Variants in LARGE1 observed in about 807,000 individuals in gnomAD.
The protein encoded by LARGE1 is xylosyl- and glucuronyltransferase LARGE1.
A neutral mutation model predicts 87.6 loss-of-function variants in LARGE1; 43 were observed. That is an observed-to-expected ratio of 0.49 (90% CI 0.38 to 0.63). The LOEUF (loss-of-function observed/expected upper bound fraction) is 0.63, where lower values mean the gene tolerates loss of function less well. LARGE1 is among the 30% of genes least tolerant of loss of function. The probability of loss-of-function intolerance (pLI) is 0.00; values close to 1 mark genes in which losing one functional copy is unlikely to be tolerated. For missense variants in LARGE1, 802 were observed against 1,000.2 expected (o/e 0.80, Z 2.67); for synonymous variants, 434 against 394.6 (o/e 1.10, Z -1.18).
At chr22:33,333,964 CA>C (rs1436632736) in intron 10 of LARGE1, among the ~76,000 whole-genome samples, 2 of 151,558 alleles carry the variant, frequency 1.3e-5, no homozygotes, top group Non-Finnish European at 2.9e-5. Flanking sequence ...ACTAAAAATA[CA>C]AAAAAAGTTA....
intron 11 of LARGE1, among the ~76,000 whole-genome samples, chr22:33,253,811 C>G (rs1927122564): frequency 1.3e-5 from 2 of 152,078 alleles, no homozygotes. Flanking sequence ...AAAGCAGGGC[C>G]TGGCTGGCAT....
chr22:33,149,233 G>A, the LARGE1 span, among the ~76,000 whole-genome samples: 4 of 151,600 alleles, frequency 2.6e-5, no homozygotes, highest in East Asian at 1.9e-4. Flanking sequence ...TAGTAGAGAC[G>A]GGGTTTCACT....
intron 10 of LARGE1, among the ~76,000 whole-genome samples, chr22:33,327,154 T>C (rs549401370): frequency 1.3e-5 from 2 of 152,352 alleles, no homozygotes; most frequent in East Asian, 3.9e-4. Flanking sequence ...TTCTTGGCAT[T>C]GTCTTGCAGG....
intron 5 of LARGE1, among the ~76,000 whole-genome samples, chr22:33,583,713 T>C (rs1180093904): frequency 6.6e-6 from 1 of 152,186 alleles, no homozygotes; most frequent in Non-Finnish European, 1.5e-5. Context: ...ATAAGGACAG[T>C]TGGGTCCCCC....
At chr22:33,737,457 T>C (rs1359654535) in intron 2 of LARGE1, 1 of 152,204 alleles carries the variant, frequency 6.6e-6, no homozygotes, top group African/African-American at 2.4e-5. Flanking sequence ...AAGCGTTAAC[T>C]GCTAATATTA....
chr22:33,750,421 T>C (rs1394478634), intron 2 of LARGE1, among the ~76,000 whole-genome samples: 1 of 152,214 alleles, frequency 6.6e-6, no homozygotes, highest in Non-Finnish European at 1.5e-5. Context: ...GTAAAAGCAG[T>C]AGGCGGGCCA....
At chr22:33,677,197 T>A (rs1183466962) in intron 2 of LARGE1, among the ~76,000 whole-genome samples, 6 of 150,384 alleles carry the variant, frequency 4.0e-5, no homozygotes, top group Non-Finnish European at 5.9e-5. Flanking sequence ...TGAGAAACAA[T>A]TCCTTAGTGA....
chr22:33,636,109 G>A (rs2080258755), intron 3 of LARGE1, among the ~76,000 whole-genome samples: 1 of 152,146 alleles, frequency 6.6e-6, no homozygotes, highest in African/African-American at 2.4e-5. Context: ...TGACTTTCTT[G>A]TGCTATAAAG....
chr22:33,262,773 C>T (rs994367848), intron 11 of LARGE1, among the ~76,000 whole-genome samples: 2 of 143,240 alleles, frequency 1.4e-5, no homozygotes, highest in African/African-American at 2.5e-5. Context: ...CTTCCCTTTC[C>T]TTCCTTCCTT....
At chr22:33,614,190 T>C (rs1262580945) in intron 4 of LARGE1, among the ~76,000 whole-genome samples, 1 of 152,156 alleles carries the variant, frequency 6.6e-6, no homozygotes, top group South Asian at 2.1e-4. Flanking sequence ...TTGATCACAA[T>C]AGCTCCTACC....
chr22:33,706,477 C>G (rs1162781858), intron 2 of LARGE1, among the ~76,000 whole-genome samples: 1 of 152,196 alleles, frequency 6.6e-6, no homozygotes, highest in Admixed American at 6.5e-5. Context: ...AAAGAAGCCA[C>G]AGGTTCAAGT....
intron 6 of LARGE1, among the ~76,000 whole-genome samples, chr22:33,471,719 C>CTTTCTTATGATCTTTTGATCATA (rs2068849585): frequency 1.3e-5 from 2 of 152,068 alleles, no homozygotes; most frequent in African/African-American, 4.8e-5. Flanking sequence ...AAGCACTGGG[C>CTTTCTTATGATCTTTTGATCATA]TGATCTTATG....
chr22:33,079,741 T>C, the LARGE1 span, among the ~76,000 whole-genome samples: 3 of 152,190 alleles, frequency 2.0e-5, no homozygotes, highest in African/African-American at 4.8e-5. Flanking sequence ...TTGTCCATTC[T>C]GCTTAGAAGA....
chr22:33,520,112 C>T (rs2071509279), intron 6 of LARGE1, among the ~76,000 whole-genome samples: 1 of 150,896 alleles, frequency 6.6e-6, no homozygotes, highest in South Asian at 2.1e-4. Flanking sequence ...TCAAGCAATC[C>T]TCCCTCTTCA....
At chr22:33,673,767 G>A (rs977860302) in intron 2 of LARGE1, among the ~76,000 whole-genome samples, 1 of 152,026 alleles carries the variant, frequency 6.6e-6, no homozygotes, top group African/African-American at 2.4e-5. Flanking sequence ...GCGCAATCTC[G>A]GCTCACTGCA....
chr22:33,441,068 GAAC>G (rs1045113182), intron 6 of LARGE1, among the ~76,000 whole-genome samples: 6 of 103,638 alleles, frequency 5.8e-5, no homozygotes, highest in African/African-American at 1.1e-4. Flanking sequence ...TATTTTGTTT[GAAC>G]TTTTTTTTTT....
At chr22:33,731,081 C>A (rs1429175950) in intron 2 of LARGE1, among the ~76,000 whole-genome samples, 2 of 149,726 alleles carry the variant, frequency 1.3e-5, no homozygotes, top group African/African-American at 4.9e-5. Flanking sequence ...TGGCTCACTG[C>A]AAGCTCCGCC....
At chr22:33,820,964 A>G (rs963712744) in intron 1 of LARGE1, among the ~76,000 whole-genome samples, 2 of 151,954 alleles carry the variant, frequency 1.3e-5, no homozygotes, top group Non-Finnish European at 2.9e-5. Flanking sequence ...AACACAATAC[A>G]TTTACTCGTC....
chr22:33,590,928 C>T lies in LARGE1; in HGVS notation c.615+13507G>A, dbSNP rs1346180761. 3.3e-5 allele frequency among the ~76,000 whole-genome samples: 5 copies of T among 152,268 alleles called. 1 individual carries two copies. Among genetic ancestry groups the T allele is most frequent in the Admixed American group, 2.6e-4 (4 of 15,304 alleles). ...ATTTTAAAAAGCTGCCAAGGCCGGG[C>T]GTGGTGGCTCACACCTGTAATCCCA... is the stretch of plus-strand genomic sequence containing the variant. On this transcript the variant is annotated intron_variant, in intron 5 of 14. Transcript: ENST00000397394.
Sources: gnomAD v4.1 joint callset for allele counts (sites outside exome capture counted in the v4.1 genomes callset) on GRCh38, gnomAD v4.1.1 for gene constraint, MANE v1.5 for transcripts, NCBI Gene and HGNC (gene_info 2026-07-23, HGNC 2026-07-21) for gene names.